Variants in TMEM163 observed in about 807,000 individuals in gnomAD.
TMEM163 encodes transmembrane protein 163.
Under a neutral mutation model 29.3 loss-of-function variants are expected in TMEM163, and 17 were observed. That is an observed-to-expected ratio of 0.58 (90% CI 0.40 to 0.87). The LOEUF (loss-of-function observed/expected upper bound fraction) is 0.87. TMEM163 is among the 40% of genes least tolerant of loss of function. The pLI, the probability that TMEM163 is intolerant of heterozygous loss-of-function variation, is 0.00. For missense variants in TMEM163, 303 were observed against 381.5 expected, an observed-to-expected ratio of 0.79 and a Z score of 1.71; for synonymous variants, 157 against 160.6, an observed-to-expected ratio of 0.98 and a Z score of 0.17.
chr2:134,625,024 A>G (rs1682817267), intron 2 of TMEM163, among the ~76,000 whole-genome samples: 1 of 152,212 alleles, frequency 6.6e-6, no homozygotes, highest in Admixed American at 6.5e-5. Flanking sequence ...AATGCCTAGT[A>G]TATTACATTT....
At chr2:134,528,725 C>G (rs1443870099) in intron 4 of TMEM163, among the ~76,000 whole-genome samples, 1 of 150,182 alleles carries the variant, frequency 6.7e-6, no homozygotes, top group African/African-American at 2.4e-5. Context: ...GTGTCAATCT[C>G]AGTGGACAAT....
chr2:134,642,905 T>A (rs1297076291), intron 2 of TMEM163, among the ~76,000 whole-genome samples: 1 of 151,986 alleles, frequency 6.6e-6, no homozygotes, highest in Non-Finnish European at 1.5e-5. Flanking sequence ...CTTATCTTTT[T>A]AAAGAAGGTA....
chr2:134,664,308 G>T (rs906777373), intron 2 of TMEM163, among the ~76,000 whole-genome samples: 4 of 152,150 alleles, frequency 2.6e-5, no homozygotes, highest in African/African-American at 9.7e-5. Context: ...TCAACTTCAG[G>T]GTCCATCAGA....
chr2:134,501,439 G>A (rs1000482213), intron 5 of TMEM163, among the ~76,000 whole-genome samples: 1 of 152,228 alleles, frequency 6.6e-6, no homozygotes, highest in Non-Finnish European at 1.5e-5. Context: ...CCTATCACAT[G>A]AGCCCTGCTG....
At chr2:134,636,547 G>T (rs1328233897) in intron 2 of TMEM163, among the ~76,000 whole-genome samples, 2 of 152,102 alleles carry the variant, frequency 1.3e-5, no homozygotes, top group African/African-American at 4.8e-5. Flanking sequence ...CTGGGCATAG[G>T]GTGAACTGAC....
chr2:134,678,017 C>G (rs778264076), intron 2 of TMEM163, among the ~76,000 whole-genome samples: 2 of 152,204 alleles, frequency 1.3e-5, no homozygotes, highest in Non-Finnish European at 2.9e-5. Flanking sequence ...CAGCAATGCC[C>G]AACACAACCT....
chr2:134,641,543 G>A (rs916198351), intron 2 of TMEM163, among the ~76,000 whole-genome samples: 1 of 152,092 alleles, frequency 6.6e-6, no homozygotes, highest in Non-Finnish European at 1.5e-5. Flanking sequence ...ACAGATGGAA[G>A]GAGAAAATAT....
intron 2 of TMEM163, among the ~76,000 whole-genome samples, chr2:134,603,148 C>A (rs1019530542): frequency 1.9e-4 from 29 of 152,130 alleles, no homozygotes; most frequent in Admixed American, 2.6e-4. Flanking sequence ...ATAGCCACAA[C>A]TAAATCATCT....
At chr2:134,566,405 A>C (rs1408627550) in intron 2 of TMEM163, among the ~76,000 whole-genome samples, 3 of 152,080 alleles carry the variant, frequency 2.0e-5, no homozygotes, top group Admixed American at 1.3e-4. Flanking sequence ...CTACTAAAAA[A>C]CACGAAAATT....
At chr2:134,506,691 A>T (rs1679831684) in intron 4 of TMEM163, among the ~76,000 whole-genome samples, 2 of 152,208 alleles carry the variant, frequency 1.3e-5, no homozygotes, top group South Asian at 4.1e-4. Flanking sequence ...TCACGTGCTC[A>T]CACCACCACT....
intron 1 of TMEM163, 108 bp downstream of exon 1, chr2:134,718,626 C>CCG (rs1685092109): frequency 1.2e-6 from 1 of 861,750 alleles, no homozygotes; most frequent in Non-Finnish European, 1.4e-6. Context: ...CTCCGCGCCC[C>CCG]CGCGCGCTCC....
At chr2:134,593,728 G>T (rs1205893946) in intron 2 of TMEM163, among the ~76,000 whole-genome samples, 1 of 152,100 alleles carries the variant, frequency 6.6e-6, no homozygotes, top group Admixed American at 6.6e-5. Context: ...TTCAGAACAC[G>T]TGCTACTGCA....
Position 134,514,487 on chromosome 2 carries a change from C to T in TMEM163, c.459-11490G>A, listed in dbSNP as rs1256148437. On this transcript the variant is annotated intron_variant, in intron 4 of 7. Coordinates refer to ENST00000281924, the MANE Select transcript of TMEM163 (RefSeq NM_030923.5). ...TGTTTTGGGCTCTGTGCATGAACTA[C>T]TTTGACCAAGCTTGTCCAACCCATG... 2.7e-5 allele frequency among the ~76,000 whole-genome samples: 4 copies of T among 148,430 alleles called. No individual in the cohort carries two copies. The Admixed American group carries it at 2.7e-4, about 10-fold the overall frequency.
chr2:134,536,230 C>T (rs997511534), intron 4 of TMEM163, among the ~76,000 whole-genome samples: 2 of 89,054 alleles, frequency 2.2e-5, no homozygotes, highest in Admixed American at 1.7e-4. Context: ...CCTAAAACAC[C>T]ATTTTTTTTG....
At chr2:134,586,629 C>T (rs559470357) in intron 2 of TMEM163, among the ~76,000 whole-genome samples, 1 of 152,272 alleles carries the variant, frequency 6.6e-6, no homozygotes, top group Non-Finnish European at 1.5e-5. Flanking sequence ...GGAGTTAGGA[C>T]TTCAACATGA....
At chr2:134,643,792 G>T (rs1171620160) in intron 2 of TMEM163, among the ~76,000 whole-genome samples, 1 of 151,680 alleles carries the variant, frequency 6.6e-6, no homozygotes, top group East Asian at 1.9e-4. Context: ...AGAAATAAAA[G>T]GCATACAGAT....
chr2:134,578,289 T>C (rs1423299673), intron 2 of TMEM163, among the ~76,000 whole-genome samples: 1 of 152,216 alleles, frequency 6.6e-6, no homozygotes, highest in African/African-American at 2.4e-5. Context: ...GTTCTGGATG[T>C]GCCCCATTTC....
At chr2:134,528,068 C>T (rs1313767573) in intron 4 of TMEM163, among the ~76,000 whole-genome samples, 2 of 152,094 alleles carry the variant, frequency 1.3e-5, no homozygotes, top group Non-Finnish European at 2.9e-5. Context: ...CAAGACAGAA[C>T]GAAAAAGAAA....
chr2:134,524,404 C>T lies in TMEM163; in HGVS notation c.459-21407G>A, dbSNP rs139229607. ...AAAATTTTAAGTTCTGGGATACATG[C>T]GCAGGACGTGCAAGTTTGTTACATA... On this transcript the variant is annotated intron_variant, in intron 4 of 7. Transcript: ENST00000281924. Among the ~76,000 whole-genome samples, 760 of 135,518 alleles carry T rather than the reference C, an allele frequency of 5.6e-3. 57 individuals are homozygous for T. The highest frequency in any genetic ancestry group is 0.032 in the South Asian group (116 of 3,620). The allele number at this position is 135,518 out of a possible 152,430, so 88.9% of individuals were successfully genotyped here. A position where few individuals can be genotyped will look rare whatever the true frequency, so the allele number is the denominator to read the frequency against.
Sources: allele counts gnomAD v4.1 joint callset (sites outside exome capture counted in the v4.1 genomes callset), GRCh38; gene constraint gnomAD v4.1.1; transcripts MANE v1.5; gene names NCBI Gene and HGNC (gene_info 2026-07-23, HGNC 2026-07-21).